The following GTF3C1 variants were observed in gnomAD, a reference collection of about 807,000 sequenced individuals.
GTF3C1 encodes the protein general transcription factor IIIC subunit 1, also known as general transcription factor 3C polypeptide 1.
GTF3C1 carries 57 observed loss-of-function variants against 226.7 expected under a neutral mutation model. The ratio of observed to expected loss-of-function variants is 0.25; its 90% CI spans 0.20 to 0.31. The LOEUF is 0.31. Among genes scored for constraint, GTF3C1 ranks in the 10% least tolerant of loss-of-function variants. The pLI, the probability that GTF3C1 is intolerant of heterozygous loss-of-function variation, is 1.00. For synonymous variants in GTF3C1, 1,090 were observed against 1,084.8 expected, an observed-to-expected ratio of 1.00 and a Z score of -0.09; for missense variants, 2,217 against 2,776.1, an observed-to-expected ratio of 0.80 and a Z score of 4.53.
chr16:27,500,349 C>T lies in GTF3C1; in HGVS notation c.2061+842G>A, dbSNP rs139827545. ...TTATTTTAAAAATACTTATAGCAGA[C>T]ATAAAAACTGATGAGAGCTGTCAAT... On this transcript the variant is annotated intron_variant, in intron 12 of 36. Coordinates refer to ENST00000356183, the MANE Select transcript of GTF3C1 (RefSeq NM_001520.4). Among the ~76,000 whole-genome samples, 1,061 of 152,258 alleles carry T rather than the reference C, an allele frequency of 7.0e-3. 16 individuals carry two copies. The highest frequency in any genetic ancestry group is 0.024 in the African/African-American group (1,008 of 41,526).
intron 5 of GTF3C1, 121 bp from the exon 6 acceptor site, chr16:27,528,842 T>A (rs965821394): frequency 8.2e-5 from 82 of 996,108 alleles, no homozygotes; most frequent in Middle Eastern, 2.1e-4. Flanking sequence ...GAGGTACTAA[T>A]GAGGAAAGCC....
At chr16:27,537,066 T>C (rs1240157755) in intron 4 of GTF3C1, among the ~76,000 whole-genome samples, 2 of 152,228 alleles carry the variant, frequency 1.3e-5, no homozygotes, top group Non-Finnish European at 2.9e-5. Flanking sequence ...CCTGCTAAAA[T>C]AGCAATATCA....
At chr16:27,484,601 G>T (rs1466306333) in intron 24 of GTF3C1, among the ~76,000 whole-genome samples, 1 of 152,136 alleles carries the variant, frequency 6.6e-6, no homozygotes, top group Non-Finnish European at 1.5e-5. Flanking sequence ...CAAGCGCCAT[G>T]TGTGACAAAG....
intron 7 of GTF3C1, among the ~76,000 whole-genome samples, chr16:27,510,182 G>A (rs988963173): frequency 6.6e-6 from 1 of 152,104 alleles, no homozygotes; most frequent in African/African-American, 2.4e-5. Flanking sequence ...TCAAGAGATC[G>A]AGACCATCCT....
At chr16:27,533,246 G>C (rs1296480316) in intron 5 of GTF3C1, 45 bp downstream of exon 5, 2 of 946,344 alleles carry the variant, frequency 2.1e-6, no homozygotes, top group Non-Finnish European at 3.5e-6. Flanking sequence ...CCCGGCTATG[G>C]TACAGATCAC....
intron 28 of GTF3C1, 43 bp from the exon 29 acceptor site, chr16:27,476,587 C>G (rs766096319): frequency 9.1e-7 from 1 of 1,100,510 alleles, no homozygotes; most frequent in Non-Finnish European, 1.4e-6. Flanking sequence ...ACCACAGGCA[C>G]TGCTCAGCTC....
chr16:27,485,307 G>T (rs1213971673), intron 24 of GTF3C1, among the ~76,000 whole-genome samples: 1 of 152,240 alleles, frequency 6.6e-6, no homozygotes, highest in Non-Finnish European at 1.5e-5. Context: ...CCTGGAAGGG[G>T]CCCTGGACTG....
intron 6 of GTF3C1, 137 bp from the exon 7 acceptor site, chr16:27,512,038 G>T: frequency 1.1e-6 from 1 of 914,228 alleles, no homozygotes; most frequent in Non-Finnish European, 1.6e-6. Context: ...CACCGTGTCT[G>T]GACTTTTAAA....
At position 27,478,542 on chromosome 16, in the gene GTF3C1, A is replaced by T. The variant is rs1371814310; in HGVS notation, c.4197-11T>A. Reference sequence around the variant, plus strand: ...GCCAAAACTCGGTACCTGCAAAAGAAACATAACAGCATGTCAGTGAAACAA... The same window carrying T: ...GCCAAAACTCGGTACCTGCAAAAGATACATAACAGCATGTCAGTGAAACAA... On this transcript the variant is annotated splice_polypyrimidine_tract_variant and intron_variant, in intron 27 of 36. Transcript: ENST00000356183. The T allele has an allele frequency of 1.3e-6, 2 of 1,599,478 alleles. No individual in the cohort carries two copies. Among genetic ancestry groups the T allele is most frequent in the African/African-American group, 2.7e-5 (2 of 74,638 alleles).
At position 27,463,899 on chromosome 16, in the gene GTF3C1, C is replaced by G. The variant is rs568230407; in HGVS notation, c.5873-307G>C. ...CCCGACCACAAGGGTGGTATAAAACCCGAGGCAAAAACACCCCAAAGAAAA... is the reference window on the plus strand; with the variant it reads ...CCCGACCACAAGGGTGGTATAAAACGCGAGGCAAAAACACCCCAAAGAAAA... On this transcript the variant is annotated intron_variant, in intron 34 of 36. Coordinates refer to ENST00000356183, the MANE Select transcript of GTF3C1 (RefSeq NM_001520.4). This position sits in a 1 kb window ranked among gnomAD's most constrained non-coding sequence, Gnocchi z 4.9. The G allele has an allele frequency of 1.8e-5, 8 of 446,098 alleles. No homozygotes were observed. The highest frequency in any genetic ancestry group is 3.4e-5 in the South Asian group (1 of 29,764). The allele number at this position is 446,098 out of a possible 1,614,324, so 27.6% of individuals were successfully genotyped here.
In GTF3C1 at chr16:27,469,344, T is replaced by G; in HGVS notation, c.5021A>C (p.Gln1674Pro). 3 of 1,598,630 alleles carry G rather than the reference T, an allele frequency of 1.9e-6. No homozygotes were observed. The highest frequency in any genetic ancestry group is 2.6e-6 in the Non-Finnish European group (3 of 1,172,406). ...GGTGCAGCGGAGCTGGAACTTCATC[T>G]GGCAGGAGTTGACCACAATGCTGTC... Reference protein sequence around the residue: ...PNDSIVVNSCQMKFQLRCTPV... With the variant: ...PNDSIVVNSCPMKFQLRCTPV... The change falls in exon 32 of 37, where the codon CAG (glutamine) becomes CCG (proline). Residue 1674 changes from glutamine (Q) to proline (P), a missense_variant. By Grantham distance (76) the Gln-to-Pro change is moderately conservative. Transcript: ENST00000356183. The surrounding 1 kb of genome is among the most constrained non-coding windows in gnomAD (Gnocchi z 4.5).
rs374664801 is a variant in GTF3C1 at position 27,478,576 on chromosome 16, C to T, written c.4197-45G>A. The T allele has an allele frequency of 1.5e-5, 20 of 1,339,552 alleles. No homozygotes were observed. In the African/African-American group the frequency reaches 2.7e-4, roughly 18 times the overall value. The allele number at this position is 1,339,552 out of a possible 1,614,324, so 83.0% of individuals were successfully genotyped here. A position where few individuals can be genotyped will look rare whatever the true frequency, so the allele number is the denominator to read the frequency against. ...GCATGTCAGTGAAACAAAACAGCTC[C>T]TCACTAAGCAAGCGGATGCTGGCTC... is the stretch of plus-strand genomic sequence containing the variant. On this transcript the variant is annotated intron_variant, in intron 27 of 36. Transcript: ENST00000356183.
At position 27,502,867 on chromosome 16, in the gene GTF3C1, A is replaced by G; in HGVS notation, c.1899T>C (p.Ser633=). Residue 633 remains serine (S), a synonymous_variant, in exon 11 of 37, where the codon AGT becomes AGC. Coordinates refer to ENST00000356183, the MANE Select transcript of GTF3C1 (RefSeq NM_001520.4). ...GACAGACAGCTCCTTACGTGAATAA[A>G]CTCTCGATTAAGCGAAGATTGGTGA... The part of the protein sequence containing the change: ...EAVTNLRLIE[S]LFTIQKMIMD... 6.3e-7 allele frequency: 1 copy of G among 1,577,484 alleles called. No individual in the cohort carries two copies. Among genetic ancestry groups the G allele is most frequent in the Non-Finnish European group, 8.6e-7 (1 of 1,160,074 alleles).
rs769836458 is a variant in GTF3C1 at position 27,485,961 on chromosome 16, G to C, written c.3858+36C>G. ...TCAGACAGGAAGGAGCTCCGAGTGA[G>C]GGGCAGGCCCACCGCTGGGCTGGGC... On this transcript the variant is annotated intron_variant, in intron 24 of 36. Coordinates refer to ENST00000356183, the MANE Select transcript of GTF3C1 (RefSeq NM_001520.4). The C allele has an allele frequency of 5.4e-6, 8 of 1,491,620 alleles. No individual in the cohort carries two copies. In the East Asian group the frequency reaches 9.6e-5, roughly 18 times the overall value. The allele number at this position is 1,491,620 out of a possible 1,614,324, so 92.4% of individuals were successfully genotyped here.
At chr16:27,477,461 G>A (rs1286312373) in intron 28 of GTF3C1, among the ~76,000 whole-genome samples, 5 of 152,072 alleles carry the variant, frequency 3.3e-5, no homozygotes, top group East Asian at 1.9e-4. Context: ...CACCTGCCAC[G>A]CCCAGCTAAT....
intron 10 of GTF3C1, among the ~76,000 whole-genome samples, chr16:27,505,097 G>A (rs1277076668): frequency 6.6e-6 from 1 of 152,158 alleles, no homozygotes; most frequent in Admixed American, 6.5e-5. Context: ...TATGTCACAA[G>A]TGTTGACATG....
At chr16:27,487,484 G>A (rs982882935) in intron 23 of GTF3C1, among the ~76,000 whole-genome samples, 3 of 152,146 alleles carry the variant, frequency 2.0e-5, no homozygotes, top group African/African-American at 7.2e-5. Flanking sequence ...CCGCACAAGG[G>A]GTGCATCAAA....
At chr16:27,484,092 AAC>A in intron 25 of GTF3C1, 117 bp downstream of exon 25, 1 of 767,476 alleles carries the variant, frequency 1.3e-6, no homozygotes, top group South Asian at 1.6e-5. Context: ...AGCAGACTCC[AAC>A]ACTTGGCCAG....
chr16:27,491,559 G>T (rs1439643840), intron 19 of GTF3C1, among the ~76,000 whole-genome samples: 1 of 152,190 alleles, frequency 6.6e-6, no homozygotes, highest in East Asian at 1.9e-4. Context: ...GACACCTGAA[G>T]TAGGAGTGGG....
Sources: gnomAD v4.1 joint callset for allele counts (sites outside exome capture counted in the v4.1 genomes callset) on GRCh38, gnomAD v4.1.1 for gene constraint, Gnocchi (gnomAD v3.1) non-coding constraint, MANE v1.5 for transcripts, NCBI Gene and HGNC (gene_info 2026-07-23, HGNC 2026-07-21) for gene names.